Variants in WWOX observed in about 807,000 individuals in gnomAD.
WWOX encodes the protein WW domain containing oxidoreductase, also known as WW domain-containing oxidoreductase.
WWOX carries 69 observed loss-of-function variants against 46.2 expected under a neutral mutation model. The observed-to-expected ratio is 1.49, with a 90% CI of 1.23 to 1.82. WWOX has a LOEUF of 1.82. Ranked by LOEUF, WWOX falls within the 40% of genes most tolerant of loss-of-function variation. The pLI, the probability that WWOX is intolerant of heterozygous loss-of-function variation, is 0.00. For synonymous variants in WWOX, 359 were observed against 202.6 expected (o/e 1.77, Z -6.56); for missense variants, 919 against 542.6 (o/e 1.69, Z -6.89).
chr16:79,144,239 C>T (rs549855717), intron 8 of WWOX, among the ~76,000 whole-genome samples: 2 of 152,306 alleles, frequency 1.3e-5, no homozygotes, highest in African/African-American at 4.8e-5. Context: ...GGATTTTCAT[C>T]CCAGCTCTCC....
At chr16:78,287,398 T>C (rs996461798) in intron 5 of WWOX, among the ~76,000 whole-genome samples, 1 of 152,144 alleles carries the variant, frequency 6.6e-6, no homozygotes, top group South Asian at 2.1e-4. Context: ...CCTTTGAGTT[T>C]TGGCAAATAG....
intron 8 of WWOX, among the ~76,000 whole-genome samples, chr16:78,962,747 A>C (rs929579510): frequency 1.3e-5 from 2 of 152,192 alleles, no homozygotes; most frequent in African/African-American, 2.4e-5. Context: ...CACTCAGATC[A>C]AGACAGAGAA....
chr16:78,650,417 G>A (rs921041390), intron 8 of WWOX, among the ~76,000 whole-genome samples: 4 of 152,140 alleles, frequency 2.6e-5, no homozygotes, highest in African/African-American at 7.2e-5. Context: ...TGTCACCTGT[G>A]TGAAATTGGT....
At chr16:78,736,839 G>T (rs1025427362) in intron 8 of WWOX, among the ~76,000 whole-genome samples, 1 of 152,000 alleles carries the variant, frequency 6.6e-6, no homozygotes, top group Non-Finnish European at 1.5e-5. Context: ...AAACTCCTGG[G>T]CTCATACAAT....
intron 5 of WWOX, among the ~76,000 whole-genome samples, chr16:78,171,056 G>T (rs2035140600): frequency 6.6e-6 from 1 of 152,186 alleles, no homozygotes; most frequent in African/African-American, 2.4e-5. Context: ...TCATTGATTA[G>T]CATCGGAAAT....
intron 8 of WWOX, among the ~76,000 whole-genome samples, chr16:78,443,134 TCA>T (rs1491247674): frequency 2.3e-4 from 10 of 42,950 alleles, no homozygotes; most frequent in African/African-American, 6.3e-4. Flanking sequence ...AGACTCCATC[TCA>T]AAAAAAAAAA....
chr16:78,857,773 C>T (rs2052600772), intron 8 of WWOX, among the ~76,000 whole-genome samples: 1 of 152,108 alleles, frequency 6.6e-6, no homozygotes, highest in African/African-American at 2.4e-5. Flanking sequence ...AAAAGTTTTC[C>T]TTTACAGGAG....
chr16:78,479,593 C>A (rs756513097), intron 8 of WWOX, among the ~76,000 whole-genome samples: 2 of 152,124 alleles, frequency 1.3e-5, no homozygotes, highest in Admixed American at 6.5e-5. Context: ...ATGTCCCATT[C>A]CCTAGAATAG....
intron 8 of WWOX, among the ~76,000 whole-genome samples, chr16:78,448,659 G>T (rs575260565): frequency 5.9e-5 from 9 of 152,282 alleles, no homozygotes; most frequent in Admixed American, 5.9e-4. Flanking sequence ...CACTAATGAG[G>T]GGTGAGGAAG....
At chr16:78,102,055 G>A (rs755670793) in intron 1 of WWOX, among the ~76,000 whole-genome samples, 8 of 152,084 alleles carry the variant, frequency 5.3e-5, no homozygotes, top group Non-Finnish European at 1.2e-4. Context: ...TGAGTACCCG[G>A]GACCACAGGT....
chr16:78,462,835 A>C (rs1430027048), intron 8 of WWOX, among the ~76,000 whole-genome samples: 3 of 152,202 alleles, frequency 2.0e-5, no homozygotes, highest in Non-Finnish European at 4.4e-5. Flanking sequence ...TGGGGCAGCC[A>C]CATAGACAAC....
intron 8 of WWOX, among the ~76,000 whole-genome samples, chr16:78,929,281 A>G (rs1253905336): frequency 7.3e-5 from 11 of 151,270 alleles, no homozygotes; most frequent in Admixed American, 2.0e-4. Flanking sequence ...TAAGTTTCCT[A>G]GCAGTTCTCT....
intron 5 of WWOX, among the ~76,000 whole-genome samples, chr16:78,336,343 A>G (rs1437641882): frequency 6.7e-6 from 1 of 150,346 alleles, no homozygotes; most frequent in Non-Finnish European, 1.5e-5. Flanking sequence ...AAAAAAAAAA[A>G]AAAACCACAA....
intron 8 of WWOX, among the ~76,000 whole-genome samples, chr16:78,841,203 G>T (rs1275869432): frequency 6.6e-6 from 1 of 152,158 alleles, no homozygotes; most frequent in African/African-American, 2.4e-5. Flanking sequence ...TCTAAATCAA[G>T]GGAAGATTGT....
chr16:79,172,914 A>T (rs1047145200), intron 8 of WWOX, among the ~76,000 whole-genome samples: 5 of 151,728 alleles, frequency 3.3e-5, no homozygotes, highest in African/African-American at 1.2e-4. Context: ...CCAGCTACTC[A>T]GGGGGCTGAG....
chr16:79,201,151 G>A (rs953508914), intron 8 of WWOX, among the ~76,000 whole-genome samples: 1 of 151,984 alleles, frequency 6.6e-6, no homozygotes, highest in East Asian at 1.9e-4. Flanking sequence ...AAGGACTTCT[G>A]GCTTCAGCAC....
chr16:78,914,878 C>G (rs868526049), intron 8 of WWOX, among the ~76,000 whole-genome samples: 1 of 65,678 alleles, frequency 1.5e-5, no homozygotes, highest in Non-Finnish European at 2.7e-5. Context: ...GACTCCGCCT[C>G]AGAAAAAAAA....
chr16:78,512,974 C>T (rs1396285862), intron 8 of WWOX, among the ~76,000 whole-genome samples: 1 of 152,190 alleles, frequency 6.6e-6, no homozygotes, highest in Non-Finnish European at 1.5e-5. Context: ...TGTGGGTCAT[C>T]ACAGCTGCTG....
At chr16:78,612,539 A>T (rs2045926011) in intron 8 of WWOX, among the ~76,000 whole-genome samples, 1 of 152,194 alleles carries the variant, frequency 6.6e-6, no homozygotes, top group South Asian at 2.1e-4. Context: ...TGCAGTGTAC[A>T]ATCAGATTTC....
Sources: gnomAD v4.1 joint callset for allele counts (sites outside exome capture counted in the v4.1 genomes callset) on GRCh38, gnomAD v4.1.1 for gene constraint, MANE v1.5 for transcripts, NCBI Gene and HGNC (gene_info 2026-07-23, HGNC 2026-07-21) for gene names.